The following LRBA variants were observed in gnomAD, a reference collection of about 807,000 sequenced individuals.
LRBA encodes the protein lipopolysaccharide-responsive and beige-like anchor protein.
In LRBA, 176 loss-of-function variants were observed where a neutral mutation model predicts 330.0. The ratio of observed to expected loss-of-function variants is 0.53; its 90% CI spans 0.47 to 0.60. The LOEUF (loss-of-function observed/expected upper bound fraction) is 0.60, where lower values mean the gene tolerates loss of function less well. Among genes scored for constraint, LRBA ranks in the 20% least tolerant of loss-of-function variants. The pLI is 0.00. For synonymous variants in LRBA, 1,230 were observed against 1,193.0 expected (o/e 1.03, Z -0.64); for missense variants, 3,259 against 3,444.8 (o/e 0.95, Z 1.35).
Position 150,489,064 on chromosome 4 carries a change from T to C in LRBA, c.6449-1230A>G, listed in dbSNP as rs1443585321. On this transcript the variant is annotated intron_variant, in intron 41 of 56. Transcript: ENST00000651943. ...ATAATATATTATATATAAGAATATA[T>C]AATATATTATATATAATATTATATA... is the stretch of plus-strand genomic sequence containing the variant. 4.4e-3 allele frequency among the ~76,000 whole-genome samples: 427 copies of C among 97,194 alleles called. 2 individuals carry two copies. The highest frequency in any genetic ancestry group is 0.012 in the African/African-American group (267 of 22,776). The allele number at this position is 97,194 out of a possible 152,430, so 63.8% of individuals were successfully genotyped here.
chr4:150,825,906 A>T (rs188433262), intron 30 of LRBA, among the ~76,000 whole-genome samples: 3 of 152,156 alleles, frequency 2.0e-5, no homozygotes, highest in Non-Finnish European at 4.4e-5. Flanking sequence ...TTAATCCCGC[A>T]TAAGAACTAT....
At chr4:150,406,104 A>G (rs1243269711) in intron 47 of LRBA, among the ~76,000 whole-genome samples, 5 of 152,100 alleles carry the variant, frequency 3.3e-5, no homozygotes, top group Admixed American at 3.3e-4. Flanking sequence ...TAAGAAAAGA[A>G]CTAAAACAAA....
chr4:150,379,289 G>A (rs1741827516), intron 47 of LRBA, among the ~76,000 whole-genome samples: 1 of 117,654 alleles, frequency 8.5e-6, no homozygotes, highest in African/African-American at 3.1e-5. Flanking sequence ...GGCAACAAGA[G>A]GGAAACTCTA....
At chr4:150,474,573 C>T (rs527241791) in intron 42 of LRBA, among the ~76,000 whole-genome samples, 1 of 152,232 alleles carries the variant, frequency 6.6e-6, no homozygotes, top group Non-Finnish European at 1.5e-5. Context: ...ATTTACAGAT[C>T]TAGGGAAAAC....
intron 2 of LRBA, among the ~76,000 whole-genome samples, chr4:150,953,226 C>G (rs780063477): frequency 1.3e-5 from 2 of 152,120 alleles, no homozygotes; most frequent in Non-Finnish European, 2.9e-5. Flanking sequence ...ACATGAAAAA[C>G]AGAAGAGGTG....
Position 150,696,060 on chromosome 4 carries a change from T to C in LRBA, c.5755-12343A>G, listed in dbSNP as rs560338504. On this transcript the variant is annotated intron_variant, in intron 36 of 56. Transcript: ENST00000651943. ...GCCTGGGCAACATGGCAAAGTCCTA[T>C]CTTTACAAAAAATAGAAAAATCAGC... 3.9e-4 allele frequency among the ~76,000 whole-genome samples: 60 copies of C among 152,050 alleles called. 1 individual carries two copies. Among genetic ancestry groups the C allele is most frequent in the Non-Finnish European group, 7.8e-4 (53 of 68,006 alleles).
chr4:150,809,445 C>CAAGGAAT (rs1743275824), intron 31 of LRBA, among the ~76,000 whole-genome samples: 1 of 152,150 alleles, frequency 6.6e-6, no homozygotes, highest in South Asian at 2.1e-4. Flanking sequence ...AAGATATATA[C>CAAGGAAT]AAGGAATAAG....
At chr4:150,572,672 T>C (rs540109841) in intron 40 of LRBA, among the ~76,000 whole-genome samples, 2 of 152,108 alleles carry the variant, frequency 1.3e-5, no homozygotes, top group Admixed American at 1.3e-4. Flanking sequence ...AGTAAGGAAG[T>C]TTAGCTCTGT....
chr4:150,728,464 G>A (rs757623953), intron 36 of LRBA, among the ~76,000 whole-genome samples: 1 of 152,002 alleles, frequency 6.6e-6, no homozygotes, highest in Admixed American at 6.6e-5. Context: ...CTAGCAAGCT[G>A]AATTTAAAAA....
chr4:150,471,846 A>C (rs185573656), intron 42 of LRBA, 107 bp from the exon 43 acceptor site: 15 of 663,336 alleles, frequency 2.3e-5, no homozygotes, highest in Non-Finnish European at 2.4e-5. Flanking sequence ...GAAAAGTTCT[A>C]TTCATGTTAG....
At chr4:150,615,883 A>G (rs1456790804) in intron 37 of LRBA, among the ~76,000 whole-genome samples, 1 of 152,112 alleles carries the variant, frequency 6.6e-6, no homozygotes, top group Non-Finnish European at 1.5e-5. Flanking sequence ...AACTTTCCAC[A>G]TACAACTGGC....
intron 35 of LRBA, among the ~76,000 whole-genome samples, chr4:150,741,447 C>G (rs993063247): frequency 2.6e-5 from 4 of 152,000 alleles, no homozygotes; most frequent in Non-Finnish European, 5.9e-5. Context: ...AAACTTAAAA[C>G]CATAAGATAT....
chr4:150,337,322 AT>A (rs1734887427), intron 48 of LRBA, among the ~76,000 whole-genome samples: 1 of 152,158 alleles, frequency 6.6e-6, no homozygotes. Flanking sequence ...AGGAAAAAAA[AT>A]CATAAAAATA....
chr4:150,961,214 TG>T (rs1226854017), intron 2 of LRBA, among the ~76,000 whole-genome samples: 4 of 149,054 alleles, frequency 2.7e-5, no homozygotes, highest in Non-Finnish European at 5.9e-5. Context: ...CTCAAACAGG[TG>T]GGGGAGGAGG....
At chr4:150,969,260 T>C (rs1739253608) in intron 2 of LRBA, among the ~76,000 whole-genome samples, 1 of 152,214 alleles carries the variant, frequency 6.6e-6, no homozygotes, top group African/African-American at 2.4e-5. Context: ...GAAATACATT[T>C]TGTAAGGCTA....
In LRBA at chr4:150,845,948, AC is replaced by A. The variant is rs1391142077; in HGVS notation, c.4340-1170del. On this transcript the variant is annotated intron_variant, in intron 26 of 56. Transcript: ENST00000651943. Reference sequence around the variant, plus strand: ...TTCCTGGTTTCAATCAGTTACTCTTACTGCTGTCATCCTAACTTCTAACTCC... The same window carrying A: ...TTCCTGGTTTCAATCAGTTACTCTTATGCTGTCATCCTAACTTCTAACTCC... 1.6e-4 allele frequency among the ~76,000 whole-genome samples: 24 copies of A among 152,310 alleles called. No individual in the cohort carries two copies. In the East Asian group the frequency reaches 3.9e-3, roughly 24 times the overall value.
chr4:150,304,538 G>A (rs954263199), intron 52 of LRBA, among the ~76,000 whole-genome samples: 2 of 152,040 alleles, frequency 1.3e-5, no homozygotes, highest in African/African-American at 4.8e-5. Flanking sequence ...AGACTTCAAA[G>A]CAAGTGTCTC....
At chr4:151,010,895 A>G (rs1457416814) in intron 2 of LRBA, among the ~76,000 whole-genome samples, 2 of 150,768 alleles carry the variant, frequency 1.3e-5, no homozygotes, top group Admixed American at 6.6e-5. Flanking sequence ...ATTAAAAAAA[A>G]AAAAAAAAAA....
At chr4:150,306,171 T>C (rs1200381514) in intron 52 of LRBA, among the ~76,000 whole-genome samples, 1 of 152,220 alleles carries the variant, frequency 6.6e-6, no homozygotes, top group Admixed American at 6.6e-5. Context: ...GGTTTTATTG[T>C]TGCCTCTGCT....
Sources: allele counts gnomAD v4.1 joint callset (sites outside exome capture counted in the v4.1 genomes callset), GRCh38; gene constraint gnomAD v4.1.1; transcripts MANE v1.5; gene names NCBI Gene and HGNC (gene_info 2026-07-23, HGNC 2026-07-21).